KIF26B: variants seen among roughly 807,000 people sequenced by gnomAD.
KIF26B encodes the protein kinesin family member 26B.
KIF26B carries 63 observed loss-of-function variants against 151.2 expected under a neutral mutation model. The ratio of observed to expected loss-of-function variants is 0.42; its 90% CI spans 0.34 to 0.51. The LOEUF is 0.51. Ranked by LOEUF, KIF26B falls within the 20% of genes least tolerant of loss-of-function variation. KIF26B has a pLI of 0.07. For missense variants in KIF26B, 2,813 were observed against 2,913.6 expected (o/e 0.97, Z 0.79); for synonymous variants, 1,357 against 1,262.1 (o/e 1.08, Z -1.59).
intron 2 of KIF26B, among the ~76,000 whole-genome samples, chr1:245,228,549 A>G (rs1376672816): frequency 6.6e-6 from 1 of 151,158 alleles, no homozygotes; most frequent in African/African-American, 2.5e-5. Flanking sequence ...CTGGGCAACA[A>G]GAGCAAAAAC....
In KIF26B at chr1:245,349,454, A is replaced by G. The variant is rs1472681804; in HGVS notation, c.466-17380A>G. Among the ~76,000 whole-genome samples, 3 of 151,964 alleles carry G rather than the reference A, an allele frequency of 2.0e-5. No homozygotes were observed. The East Asian group carries it at 5.8e-4, about 29-fold the overall frequency. ...GTTGTTTTACTACAGGACCACAATA[A>G]TTTTAAAAGACAAACTTGAATAATC... On this transcript the variant is annotated intron_variant, in intron 2 of 14. Transcript: ENST00000407071.
At chr1:245,484,748 C>A (rs1660241211) in intron 4 of KIF26B, among the ~76,000 whole-genome samples, 1 of 95,392 alleles carries the variant, frequency 1.0e-5, no homozygotes, top group Non-Finnish European at 2.3e-5. Context: ...TCCTCTTCCT[C>A]TTCTTCTTCT....
At chr1:245,589,397 G>A (rs1189624292) in intron 5 of KIF26B, among the ~76,000 whole-genome samples, 1 of 152,110 alleles carries the variant, frequency 6.6e-6, no homozygotes, top group Non-Finnish European at 1.5e-5. Context: ...CTGTATTTAC[G>A]TGCCTGCCAT....
intron 5 of KIF26B, among the ~76,000 whole-genome samples, chr1:245,562,232 G>A (rs529894871): frequency 6.6e-6 from 1 of 152,084 alleles, no homozygotes; most frequent in African/African-American, 2.4e-5. Context: ...TTAAACAGCA[G>A]ATTAGAGGAC....
At chr1:245,453,075 G>C (rs1428918245) in intron 4 of KIF26B, among the ~76,000 whole-genome samples, 1 of 152,034 alleles carries the variant, frequency 6.6e-6, no homozygotes, top group Non-Finnish European at 1.5e-5. Context: ...TCATATTTGG[G>C]TTCTTTACCT....
intron 2 of KIF26B, among the ~76,000 whole-genome samples, chr1:245,325,218 A>G (rs904414188): frequency 2.6e-5 from 4 of 152,132 alleles, no homozygotes; most frequent in African/African-American, 9.7e-5. Flanking sequence ...GCTTCTTTAT[A>G]TATATTAAGT....
Position 245,685,633 on chromosome 1 carries a change from G to C in KIF26B, c.2650G>C (p.Glu884Gln). The change falls in exon 12 of 15, where the codon GAG becomes CAG. Residue 884 changes from glutamate (E) to glutamine (Q), a missense_variant. Coordinates refer to ENST00000407071, the MANE Select transcript of KIF26B (RefSeq NM_018012.4). ...ALSDKELTDN[E>Q]GPPDFVPIVP... ...CTCTGACAAGGAGCTCACCGACAAC[G>C]AGGGCCCCCCAGACTTTGTCCCTAT... The C allele has an allele frequency of 6.2e-7, 1 of 1,613,444 alleles. No individual in the cohort carries two copies. The highest frequency in any genetic ancestry group is 8.5e-7 in the Non-Finnish European group (1 of 1,179,766).
At chr1:245,580,487 A>G (rs1201782768) in intron 5 of KIF26B, among the ~76,000 whole-genome samples, 12 of 152,246 alleles carry the variant, frequency 7.9e-5, no homozygotes, top group Admixed American at 7.8e-4. Flanking sequence ...GTCATAGCAG[A>G]GTGCCAGGAT....
rs904573052 is a variant in KIF26B at position 245,358,413 on chromosome 1, G to A, written c.466-8421G>A. ...TGGGTGCCTGTAGTCCCAGCTACTC[G>A]GGAGGCTGAGGCAGGAGAATGGTGT... On this transcript the variant is annotated intron_variant, in intron 2 of 14. Coordinates refer to ENST00000407071, the MANE Select transcript of KIF26B (RefSeq NM_018012.4). This position sits in a 1 kb window ranked among gnomAD's most constrained non-coding sequence, Gnocchi z 4.1. Among the ~76,000 whole-genome samples the A allele has an allele frequency of 1.3e-5, 2 of 152,112 alleles. No individual in the cohort carries two copies. The highest frequency in any genetic ancestry group is 1.9e-4 in the East Asian group (1 of 5,184).
At chr1:245,475,906 G>A (rs1304455419) in intron 4 of KIF26B, among the ~76,000 whole-genome samples, 1 of 151,758 alleles carries the variant, frequency 6.6e-6, no homozygotes, top group Non-Finnish European at 1.5e-5. Context: ...CCATTCTTAG[G>A]GATATACCCA....
intron 4 of KIF26B, among the ~76,000 whole-genome samples, chr1:245,498,035 T>G (rs1411997396): frequency 1.3e-5 from 2 of 152,208 alleles, no homozygotes; most frequent in African/African-American, 4.8e-5. Context: ...ATATTATCAT[T>G]CATCTCAAAC....
At chr1:245,344,963 G>A (rs1432655700) in intron 2 of KIF26B, among the ~76,000 whole-genome samples, 1 of 151,916 alleles carries the variant, frequency 6.6e-6, no homozygotes, top group Admixed American at 6.6e-5. Context: ...CGATGCCTCC[G>A]CGTACACACT....
chr1:245,184,050 G>GTTGTTTTTTTTTTTTTT (rs1553332271), intron 2 of KIF26B, among the ~76,000 whole-genome samples: 22 of 19,806 alleles, frequency 1.1e-3, no homozygotes, highest in East Asian at 1.7e-3. Context: ...GGGAGTTGTT[G>GTTGTTTTTTTTTTTTTT]TTTTTTTTTT....
chr1:245,635,625 ATTTTTTTTCCTTTCTGCTAT>A (rs1432848972), intron 9 of KIF26B, among the ~76,000 whole-genome samples: 13 of 149,064 alleles, frequency 8.7e-5, no homozygotes, highest in South Asian at 4.2e-4. Context: ...GATTTCTGCT[ATTTTTTTTCCTTTCTGCTAT>A]TTTTTTTTCC....
chr1:245,488,900 T>C lies in KIF26B; in HGVS notation c.1167-51867T>C, dbSNP rs1360747940. ...AGGTTTGCAGTTGGTAGATGCAAAA[T>C]ATGCTGATAAGATTAAAGCTCCTCT... On this transcript the variant is annotated intron_variant, in intron 4 of 14. Transcript: ENST00000407071. The surrounding 1 kb of genome is among the most constrained non-coding windows in gnomAD (Gnocchi z 4.6). Among the ~76,000 whole-genome samples, 2 of 152,156 alleles carry C rather than the reference T, an allele frequency of 1.3e-5. No individual in the cohort carries two copies. The highest frequency in any genetic ancestry group is 4.8e-5 in the African/African-American group (2 of 41,442).
At position 245,698,755 on chromosome 1, in the gene KIF26B, G is replaced by A. The variant is rs2044728188; in HGVS notation, c.6028-132G>A. Reference sequence around the variant, plus strand: ...GAGGTCTGTCAAGGGAGAATTTGGTGGGGATGACCCATGTCCCTCCCACAC... The same window carrying A: ...GAGGTCTGTCAAGGGAGAATTTGGTAGGGATGACCCATGTCCCTCCCACAC... On this transcript the variant is annotated intron_variant, in intron 13 of 14. Transcript: ENST00000407071. The surrounding 1 kb of genome is among the most constrained non-coding windows in gnomAD (Gnocchi z 4.0). The A allele has an allele frequency of 1.6e-5, 17 of 1,072,340 alleles. No homozygotes were observed. Among genetic ancestry groups the A allele is most frequent in the Middle Eastern group, 5.5e-4 (2 of 3,634 alleles). The allele number at this position is 1,072,340 out of a possible 1,614,324, so 66.4% of individuals were successfully genotyped here.
chr1:245,699,128 C>T, intron 14 of KIF26B, 91 bp downstream of exon 14: 1 of 1,353,240 alleles, frequency 7.4e-7, no homozygotes. Context: ...GTGACACAGG[C>T]TGTGTCCTCG....
At chr1:245,608,313 C>T (rs1449649844) in intron 7 of KIF26B, among the ~76,000 whole-genome samples, 2 of 152,190 alleles carry the variant, frequency 1.3e-5, no homozygotes, top group East Asian at 1.9e-4. Context: ...GCCATCTGCT[C>T]CCCAGGCCTT....
chr1:245,178,941 C>G (rs1176631562), intron 2 of KIF26B, among the ~76,000 whole-genome samples: 1 of 149,756 alleles, frequency 6.7e-6, no homozygotes, highest in Non-Finnish European at 1.5e-5. Context: ...TAATTCTTAT[C>G]AAGCATTTAC....
Sources: gnomAD v4.1 joint callset for allele counts (sites outside exome capture counted in the v4.1 genomes callset) on GRCh38, gnomAD v4.1.1 for gene constraint, Gnocchi (gnomAD v3.1) non-coding constraint, MANE v1.5 for transcripts, NCBI Gene and HGNC (gene_info 2026-07-23, HGNC 2026-07-21) for gene names.